NCEH1: variants seen among roughly 807,000 people sequenced by gnomAD.
NCEH1 encodes the protein neutral cholesterol ester hydrolase 1.
In NCEH1, 9 loss-of-function variants were observed where a neutral mutation model predicts 25.4. The ratio of observed to expected loss-of-function variants is 0.35; its 90% CI spans 0.21 to 0.62. NCEH1 has a LOEUF of 0.62. NCEH1 is among the 20% of genes least tolerant of loss of function. The pLI, the probability that NCEH1 is intolerant of heterozygous loss-of-function variation, is 0.72. For synonymous variants in NCEH1, 200 were observed against 199.8 expected (o/e 1.00, Z -0.01); for missense variants, 412 against 501.1 (o/e 0.82, Z 1.70).
chr3:172,685,502 G>T (rs1712646495), intron 1 of NCEH1, among the ~76,000 whole-genome samples: 1 of 152,194 alleles, frequency 6.6e-6, no homozygotes, highest in Admixed American at 6.5e-5. Flanking sequence ...CTTGGAAACT[G>T]ATGCCCAGAG....
intron 1 of NCEH1, among the ~76,000 whole-genome samples, chr3:172,668,599 G>C (rs1048060265): frequency 2.0e-5 from 3 of 151,910 alleles, no homozygotes; most frequent in African/African-American, 7.3e-5. Flanking sequence ...TATAGCTTCA[G>C]CCTTCATCAG....
In NCEH1 at chr3:172,650,497, A is replaced by AC. The variant is rs528068671; in HGVS notation, c.139-2384_139-2383insG. Among the ~76,000 whole-genome samples, 1,251 of 151,790 alleles carry AC rather than the reference A, an allele frequency of 8.2e-3. 5 individuals carry two copies. The highest frequency in any genetic ancestry group is 0.014 in the Non-Finnish European group (917 of 67,856). On this transcript the variant is annotated intron_variant, in intron 1 of 4. Transcript: ENST00000475381. ...TCTCTACTAAAAATACAAAAAAAAA[A>AC]AATCAGCCGGGCATGGTGGCGGGCG...
chr3:172,668,537 T>C (rs1718338094), intron 1 of NCEH1, among the ~76,000 whole-genome samples: 1 of 151,790 alleles, frequency 6.6e-6, no homozygotes, highest in Non-Finnish European at 1.5e-5. Context: ...GTATTTTTAG[T>C]TTACAAAAGA....
chr3:172,650,628 G>A (rs1037867516), intron 1 of NCEH1, among the ~76,000 whole-genome samples: 15 of 144,224 alleles, frequency 1.0e-4, no homozygotes, highest in Middle Eastern at 3.6e-3. Context: ...CAGCCTGGGC[G>A]ACAGAGTGAG....
intron 1 of NCEH1, among the ~76,000 whole-genome samples, chr3:172,676,852 T>G (rs922941337): frequency 3.3e-5 from 5 of 152,132 alleles, no homozygotes; most frequent in Non-Finnish European, 7.3e-5. Context: ...AAAATGAGAC[T>G]TTTAAAAAAT....
intron 1 of NCEH1, 92 bp downstream of exon 1, chr3:172,710,755 C>A: frequency 6.9e-7 from 1 of 1,454,872 alleles, no homozygotes. Context: ...GAAAAACCTG[C>A]GTTTTCGTGG....
chr3:172,709,263 T>G (rs1714173295), intron 1 of NCEH1, among the ~76,000 whole-genome samples: 1 of 152,222 alleles, frequency 6.6e-6, no homozygotes, highest in Non-Finnish European at 1.5e-5. Flanking sequence ...AAACTAAGAA[T>G]AATCTCTGCA....
At chr3:172,659,531 G>A (rs1306081627) in intron 1 of NCEH1, among the ~76,000 whole-genome samples, 1 of 152,166 alleles carries the variant, frequency 6.6e-6, no homozygotes, top group African/African-American at 2.4e-5. Context: ...CCTCCTTGGT[G>A]TCTGTGAGTG....
At chr3:172,657,015 C>T (rs1408016433) in intron 1 of NCEH1, among the ~76,000 whole-genome samples, 1 of 152,050 alleles carries the variant, frequency 6.6e-6, no homozygotes, top group Non-Finnish European at 1.5e-5. Flanking sequence ...GTTCATCCCC[C>T]ACTCCCCCCA....
At chr3:172,673,840 G>A (rs528028869) in intron 1 of NCEH1, among the ~76,000 whole-genome samples, 5 of 152,250 alleles carry the variant, frequency 3.3e-5, no homozygotes, top group East Asian at 3.9e-4. Context: ...CTTCTCAGCC[G>A]CATACTTTTC....
intron 1 of NCEH1, among the ~76,000 whole-genome samples, chr3:172,658,767 G>A (rs1717821954): frequency 7.2e-6 from 1 of 139,470 alleles, no homozygotes; most frequent in Non-Finnish European, 1.5e-5. Context: ...TTTCCTCCCA[G>A]AAAACCTCTA....
chr3:172,653,739 T>TTG (rs1487466022), intron 1 of NCEH1, among the ~76,000 whole-genome samples: 1,006 of 69,646 alleles, frequency 0.014, 37 homozygotes, highest in African/African-American at 0.063. Flanking sequence ...TGTTCTGTTT[T>TTG]TTTTGTTTTT....
At chr3:172,673,450 A>G (rs1451640992) in intron 1 of NCEH1, among the ~76,000 whole-genome samples, 4 of 152,234 alleles carry the variant, frequency 2.6e-5, no homozygotes, top group African/African-American at 9.6e-5. Flanking sequence ...CTCTTACAAG[A>G]GCACCTAAAT....
At chr3:172,693,867 T>TAAC (rs1458783794) in intron 1 of NCEH1, among the ~76,000 whole-genome samples, 3 of 152,198 alleles carry the variant, frequency 2.0e-5, no homozygotes, top group Non-Finnish European at 4.4e-5. Flanking sequence ...CCACTGTCCT[T>TAAC]AACAAAAGTA....
intron 1 of NCEH1, among the ~76,000 whole-genome samples, chr3:172,702,334 T>A (rs1371342559): frequency 6.6e-6 from 1 of 152,230 alleles, no homozygotes; most frequent in Non-Finnish European, 1.5e-5. Context: ...CTATAGGCAC[T>A]CAACCTTGAC....
intron 1 of NCEH1, among the ~76,000 whole-genome samples, chr3:172,653,748 TTTTGTTTTTTTG>T (rs1717540241): frequency 1.3e-5 from 1 of 77,178 alleles, no homozygotes; most frequent in African/African-American, 5.8e-5. Flanking sequence ...TTTTTTGTTT[TTTTGTTTTTTTG>T]TTTTTTTTTT....
chr3:172,678,789 C>A (rs1712168089), intron 1 of NCEH1, among the ~76,000 whole-genome samples: 1 of 152,222 alleles, frequency 6.6e-6, no homozygotes, highest in African/African-American at 2.4e-5. Context: ...GTGCACCCAT[C>A]ATCCACATAG....
chr3:172,696,655 A>G (rs1019776904), intron 1 of NCEH1, among the ~76,000 whole-genome samples: 1 of 152,216 alleles, frequency 6.6e-6, no homozygotes, highest in African/African-American at 2.4e-5. Context: ...GGATTTGAAC[A>G]CAAGTCTCCT....
At chr3:172,682,855 T>A (rs1280995480) in intron 1 of NCEH1, among the ~76,000 whole-genome samples, 1 of 152,222 alleles carries the variant, frequency 6.6e-6, no homozygotes, top group East Asian at 1.9e-4. Flanking sequence ...TGTAGTTTGA[T>A]CCTTGTGAAT....
Sources: gnomAD v4.1 joint callset for allele counts (sites outside exome capture counted in the v4.1 genomes callset) on GRCh38, gnomAD v4.1.1 for gene constraint, MANE v1.5 for transcripts, NCBI Gene and HGNC (gene_info 2026-07-23, HGNC 2026-07-21) for gene names.